TAOK1: variants seen among roughly 807,000 people sequenced by gnomAD.
The protein encoded by TAOK1 is TAO kinase 1, also known as serine/threonine-protein kinase TAO1.
A neutral mutation model predicts 138.3 loss-of-function variants in TAOK1; 21 were observed. That is an observed-to-expected ratio of 0.15 (90% CI 0.11 to 0.22). The LOEUF is 0.22. TAOK1 is among the 10% of genes least tolerant of loss of function. The pLI, the probability that TAOK1 is intolerant of heterozygous loss-of-function variation, is 1.00. For synonymous variants in TAOK1, 361 were observed against 398.4 expected (o/e 0.91, Z 1.12); for missense variants, 651 against 1,227.7 (o/e 0.53, Z 7.02).
At chr17:29,512,360 C>T (rs1383806942) in intron 15 of TAOK1, 1 of 141,230 alleles carries the variant, frequency 7.1e-6, no homozygotes, top group South Asian at 2.3e-4. Context: ...ACTCCCGGCT[C>T]TTGTGCTGCT....
chr17:29,407,775 T>C (rs549904528), intron 1 of TAOK1, among the ~76,000 whole-genome samples: 1 of 152,288 alleles, frequency 6.6e-6, no homozygotes, highest in South Asian at 2.1e-4. Context: ...TGAAGACACG[T>C]TGGGGTGAAC....
At chr17:29,457,785 C>T (rs184291111) in intron 2 of TAOK1, among the ~76,000 whole-genome samples, 234 of 152,056 alleles carry the variant, frequency 1.5e-3, no homozygotes, top group African/African-American at 5.5e-3. Context: ...GATCTGGGTA[C>T]CATGGCCTAG....
intron 1 of TAOK1, among the ~76,000 whole-genome samples, chr17:29,400,964 G>A (rs973435938): frequency 5.0e-5 from 7 of 141,090 alleles, no homozygotes; most frequent in Admixed American, 1.5e-4. Context: ...AGGCTGGAAC[G>A]CAGTGGTGTG....
rs950645384 is a variant in TAOK1, at chr17:29,517,360, T to C, written c.1705-93T>C. The C allele has an allele frequency of 1.0e-5, 12 of 1,201,888 alleles. No individual in the cohort carries two copies. In the African/African-American group the frequency reaches 1.5e-4, roughly 15 times the overall value. 74.5% of individuals were successfully genotyped at this position (1,201,888 alleles called of 1,614,324 possible). ...GTCTCAAACTCCTGACCTCAGGTGA[T>C]CTGCCCACCTCGGCCTCCCAGAGTG... is the stretch of plus-strand genomic sequence containing the variant. On this transcript the variant is annotated intron_variant, in intron 15 of 19. Coordinates refer to ENST00000261716, the MANE Select transcript of TAOK1 (RefSeq NM_020791.4).
Position 29,534,239 on chromosome 17 carries a change from A to T in TAOK1, c.2483A>T (p.Asp828Val). The stretch of plus-strand genomic sequence containing the variant: ...AAGATGCAAGCTGAGGCACAACATG[A>T]TCGAGAGCTTCGCGAGCTTGAACAG... ...KIKMQAEAQH[D>V]RELRELEQRV... The change falls in exon 19 of 20, where the codon GAT becomes GTT. Residue 828 changes from aspartate (D) to valine (V), a missense_variant. Coordinates refer to ENST00000261716, the MANE Select transcript of TAOK1 (RefSeq NM_020791.4). The T allele has an allele frequency of 6.2e-7, 1 of 1,613,326 alleles. No individual in the cohort carries two copies. Among genetic ancestry groups the T allele is most frequent in the Non-Finnish European group, 8.5e-7 (1 of 1,179,662 alleles).
chr17:29,483,083 T>C (rs1016374418), intron 8 of TAOK1, among the ~76,000 whole-genome samples: 1 of 152,174 alleles, frequency 6.6e-6, no homozygotes, highest in African/African-American at 2.4e-5. Flanking sequence ...ATTTTACTTA[T>C]TTATTTATTT....
intron 1 of TAOK1, among the ~76,000 whole-genome samples, chr17:29,399,733 GT>G (rs1354026377): frequency 6.6e-6 from 1 of 151,812 alleles, no homozygotes; most frequent in Non-Finnish European, 1.5e-5. Flanking sequence ...CTTAATGGGA[GT>G]TTTTTTCTTT....
At chr17:29,457,966 C>T (rs567669834) in intron 2 of TAOK1, among the ~76,000 whole-genome samples, 7 of 151,894 alleles carry the variant, frequency 4.6e-5, no homozygotes, top group South Asian at 2.1e-4. Context: ...AAAAATTAGC[C>T]GGGTGTGGTG....
intron 1 of TAOK1, among the ~76,000 whole-genome samples, chr17:29,400,405 A>C (rs1598464291): frequency 6.6e-6 from 1 of 151,716 alleles, no homozygotes; most frequent in Non-Finnish European, 1.5e-5. Flanking sequence ...AAAAAAAAAA[A>C]AAACAACAAA....
At chr17:29,457,864 AC>A (rs941564230) in intron 2 of TAOK1, among the ~76,000 whole-genome samples, 1 of 152,042 alleles carries the variant, frequency 6.6e-6, no homozygotes, top group Admixed American at 6.5e-5. Flanking sequence ...TAATCTCAGC[AC>A]TTTGGGAGGC....
At chr17:29,406,694 C>G (rs550597935) in intron 1 of TAOK1, among the ~76,000 whole-genome samples, 4 of 151,984 alleles carry the variant, frequency 2.6e-5, no homozygotes, top group South Asian at 2.1e-4. Flanking sequence ...ACCCACCCCC[C>G]CAACTAAGCA....
chr17:29,461,063 A>G (rs1252497201), intron 2 of TAOK1, among the ~76,000 whole-genome samples: 2 of 152,222 alleles, frequency 1.3e-5, no homozygotes, highest in East Asian at 3.8e-4. Flanking sequence ...AAGGTCTCAT[A>G]GTCTCAGAAA....
At chr17:29,409,331 A>ATTTTT (rs1186189891) in intron 1 of TAOK1, among the ~76,000 whole-genome samples, 5 of 60,298 alleles carry the variant, frequency 8.3e-5, no homozygotes, top group Non-Finnish European at 6.6e-5. Flanking sequence ...ATATATATAT[A>ATTTTT]TATTTTTTTT....
chr17:29,534,518 AG>A (rs2032189502), intron 19 of TAOK1, among the ~76,000 whole-genome samples: 1 of 152,222 alleles, frequency 6.6e-6, no homozygotes, highest in Non-Finnish European at 1.5e-5. Flanking sequence ...AATATAATTA[AG>A]TAGTAATTGC....
intron 3 of TAOK1, 109 bp downstream of exon 3, chr17:29,467,325 G>A (rs1274325225): frequency 2.0e-6 from 1 of 504,302 alleles, no homozygotes; most frequent in Non-Finnish European, 3.1e-6. Context: ...CCAGGCTGGA[G>A]TGTAGTGGTG....
chr17:29,423,234 T>TG (rs1031630648), intron 1 of TAOK1, among the ~76,000 whole-genome samples: 3 of 150,380 alleles, frequency 2.0e-5, no homozygotes, highest in African/African-American at 7.3e-5. Context: ...CTTTTTTTTT[T>TG]TTTGAGACAG....
intron 1 of TAOK1, among the ~76,000 whole-genome samples, chr17:29,442,534 T>A (rs1264903710): frequency 6.6e-6 from 1 of 152,138 alleles, no homozygotes; most frequent in Non-Finnish European, 1.5e-5. Flanking sequence ...GTAGAATGCT[T>A]TATGTATTGT....
intron 1 of TAOK1, among the ~76,000 whole-genome samples, chr17:29,399,915 A>G (rs1311030907): frequency 1.3e-5 from 2 of 151,746 alleles, no homozygotes; most frequent in Non-Finnish European, 2.9e-5. Context: ...TATTTTTAGT[A>G]CAGACGAGAT....
chr17:29,428,163 G>GGAAT (rs1186465922), intron 1 of TAOK1, among the ~76,000 whole-genome samples: 1 of 152,014 alleles, frequency 6.6e-6, no homozygotes. Context: ...TTCCTAGAGG[G>GGAAT]GAATACCTAG....
Sources: gnomAD v4.1 joint callset for allele counts (sites outside exome capture counted in the v4.1 genomes callset) on GRCh38, gnomAD v4.1.1 for gene constraint, MANE v1.5 for transcripts, NCBI Gene and HGNC (gene_info 2026-07-23, HGNC 2026-07-21) for gene names.